The following SELENOO variants were observed in gnomAD, a reference collection of about 807,000 sequenced individuals.
The protein encoded by SELENOO is protein adenylyltransferase SelO, mitochondrial.
In SELENOO, 74 loss-of-function variants were observed where a neutral mutation model predicts 58.7. The ratio of observed to expected loss-of-function variants is 1.26; its 90% CI spans 1.04 to 1.53. The LOEUF is 1.53. Among genes scored for constraint, SELENOO ranks in the 40% most tolerant of loss-of-function variants. The pLI is 0.00. For synonymous variants in SELENOO, 543 were observed against 453.2 expected (o/e 1.20, Z -2.52); for missense variants, 1,149 against 970.0 (o/e 1.18, Z -2.45).
In SELENOO at chr22:50,201,330, G is replaced by T. The variant is rs1049828768; in HGVS notation, c.294G>T (p.Leu98=). ...TGCGGCAGCCGCGCCTCGTGGCGCTGTCAGAGCCCGCGCTGGCGTTGCTGG... is the reference window on the plus strand; with the variant it reads ...TGCGGCAGCCGCGCCTCGTGGCGCTTTCAGAGCCCGCGCTGGCGTTGCTGG... ...TPLRQPRLVA[L]SEPALALLGL... Residue 98 remains leucine, a synonymous_variant, in exon 1 of 9, where the codon CTG becomes CTT. Transcript: ENST00000380903. The T allele has an allele frequency of 6.7e-5, 78 of 1,158,206 alleles. 1 individual carries two copies. In the African/African-American group the frequency reaches 1.2e-3, roughly 17 times the overall value. 71.7% of individuals were successfully genotyped at this position (1,158,206 alleles called of 1,614,324 possible).
chr22:50,214,018 T>C (rs2064389308), intron 5 of SELENOO, among the ~76,000 whole-genome samples: 1 of 152,252 alleles, frequency 6.6e-6, no homozygotes, highest in Admixed American at 6.5e-5. Flanking sequence ...AACTGTTTGT[T>C]GTCTGTCCCT....
At chr22:50,206,599 T>G in intron 2 of SELENOO, 79 bp downstream of exon 2, 1 of 1,338,844 alleles carries the variant, frequency 7.5e-7, no homozygotes, top group Non-Finnish European at 1.0e-6. Flanking sequence ...CTGCTAGGAT[T>G]CTGGTAGAAA....
At chr22:50,212,502 A>G (rs893879307) in intron 5 of SELENOO, among the ~76,000 whole-genome samples, 10 of 152,186 alleles carry the variant, frequency 6.6e-5, no homozygotes, top group Non-Finnish European at 1.5e-4. Flanking sequence ...TAAATTGTGG[A>G]GGGCACCGCA....
intron 3 of SELENOO, among the ~76,000 whole-genome samples, chr22:50,209,728 CCT>C (rs1053295630): frequency 1.3e-5 from 2 of 152,152 alleles, no homozygotes; most frequent in Non-Finnish European, 2.9e-5. Context: ...TCCTGGCCCC[CCT>C]GTTGATTGGC....
rs1281087866 is a variant in SELENOO, at chr22:50,217,186, C to T, written c.1846-19C>T. ...AGGGGGGTCGGCCCCAGACCCCTCTCACCCTCCTGATCCTCCAGGTGCGGC... is the reference window on the plus strand; with the variant it reads ...AGGGGGGTCGGCCCCAGACCCCTCTTACCCTCCTGATCCTCCAGGTGCGGC... On this transcript the variant is annotated intron_variant, in intron 8 of 8. Transcript: ENST00000380903. 1.5e-5 allele frequency: 24 copies of T among 1,611,724 alleles called. No homozygotes were observed. Among genetic ancestry groups the T allele is most frequent in the Non-Finnish European group, 1.8e-5 (21 of 1,178,952 alleles).
chr22:50,211,021 A>G (rs1278297414), intron 5 of SELENOO, 110 bp downstream of exon 5: 5 of 1,184,852 alleles, frequency 4.2e-6, no homozygotes, highest in Non-Finnish European at 6.1e-6. Context: ...CCCTGGGCCC[A>G]CCCCAGCCCT....
rs182343661 is a variant in SELENOO, at chr22:50,210,622, G to C, written c.1071-9G>C. The C allele has an allele frequency of 7.6e-5, 123 of 1,612,806 alleles. 1 individual carries two copies. The South Asian group carries it at 1.3e-3, about 16-fold the overall frequency. On this transcript the variant is annotated splice_polypyrimidine_tract_variant and intron_variant, in intron 4 of 8. Transcript: ENST00000380903. Reference sequence around the variant, plus strand: ...AGGCAGGGCGTGGCTCTCTTGCCCCGTGTGGCAGGTACGACCCCGACCACG... The same window carrying C: ...AGGCAGGGCGTGGCTCTCTTGCCCCCTGTGGCAGGTACGACCCCGACCACG...
intron 1 of SELENOO, among the ~76,000 whole-genome samples, chr22:50,204,543 C>T (rs1220516005): frequency 2.0e-5 from 3 of 152,042 alleles, no homozygotes; most frequent in African/African-American, 4.8e-5. Context: ...AGGAGAATCA[C>T]TTGAACCCAG....
In SELENOO at chr22:50,206,381, T is replaced by C. The variant is rs367634749; in HGVS notation, c.619T>C (p.Phe207Leu). The C allele has an allele frequency of 3.7e-6, 6 of 1,614,026 alleles. No individual in the cohort carries two copies. In the African/African-American group the frequency reaches 8.0e-5, roughly 22 times the overall value. Residue 207 changes from phenylalanine (F) to leucine (L), a missense_variant, in exon 2 of 9, where the codon TTC becomes CTC. By Grantham distance (22) the Phe-to-Leu change is conservative. Transcript: ENST00000380903. ...GGAGTTTCTATGCAGCGAAGCCATG[T>C]TCCACCTGGGAGTCCCCACCACACG... ...IREFLCSEAM[F>L]HLGVPTTRAG...
At chr22:50,202,389 C>G (rs1479323132) in intron 1 of SELENOO, among the ~76,000 whole-genome samples, 2 of 151,974 alleles carry the variant, frequency 1.3e-5, no homozygotes, top group African/African-American at 4.8e-5. Flanking sequence ...CTTCCTCACT[C>G]CCCCGTCTCC....
intron 5 of SELENOO, among the ~76,000 whole-genome samples, chr22:50,213,899 C>T (rs1289316118): frequency 2.0e-5 from 3 of 152,164 alleles, no homozygotes; most frequent in Admixed American, 1.3e-4. Flanking sequence ...CCACCTGCCT[C>T]GGCCTCCCAA....
rs1279270437 is a variant in SELENOO at position 50,201,543 on chromosome 22, G to T, written c.507G>T (p.Glu169Asp). 1 of 1,389,462 alleles carries T rather than the reference G, an allele frequency of 7.2e-7. No individual in the cohort carries two copies. Among genetic ancestry groups the T allele is most frequent in the Non-Finnish European group, 9.4e-7 (1 of 1,067,176 alleles). The allele number at this position is 1,389,462 out of a possible 1,614,324, so 86.1% of individuals were successfully genotyped here. A position where few individuals can be genotyped will look rare whatever the true frequency, so the allele number is the denominator to read the frequency against. ...GCGAGGTGTGCACGGCGACCGGCGAGCGCTGGGAGCTGCAGCTCAAGGGCG... is the reference window on the plus strand; with the variant it reads ...GCGAGGTGTGCACGGCGACCGGCGATCGCTGGGAGCTGCAGCTCAAGGGCG... The part of the protein sequence containing the change: ...YLGEVCTATG[E>D]RWELQLKGAG... The change falls in exon 1 of 9, where the codon GAG becomes GAT. Residue 169 changes from glutamate to aspartate, a missense_variant. Transcript: ENST00000380903.
chr22:50,216,270 G>C (rs1252463896), intron 6 of SELENOO, among the ~76,000 whole-genome samples: 2 of 152,230 alleles, frequency 1.3e-5, no homozygotes, highest in African/African-American at 4.8e-5. Context: ...TAAAAAACAA[G>C]ACCAGTGGGG....
chr22:50,203,991 C>G (rs965690323), intron 1 of SELENOO, among the ~76,000 whole-genome samples: 1 of 151,970 alleles, frequency 6.6e-6, no homozygotes, highest in African/African-American at 2.4e-5. Flanking sequence ...CAAAACTCAG[C>G]AACAGGAAAA....
chr22:50,208,310 A>C (rs539247233), intron 2 of SELENOO, among the ~76,000 whole-genome samples: 2 of 152,182 alleles, frequency 1.3e-5, no homozygotes, highest in East Asian at 3.9e-4. Flanking sequence ...TGTGCCTGTA[A>C]TCCCAGCTAC....
Position 50,216,813 on chromosome 22 carries a change from T to C in SELENOO, c.1625T>C (p.Leu542Pro). ...RVEQQSRLEQ[L>P]SAAELQSRNQ... ...GAGCAGCAGTCTCGGCTGGAGCAGC[T>C]GAGTGCGGCAGAGCTGCAGAGCAGG... The change falls in exon 7 of 9, where the codon CTG (leucine) becomes CCG (proline). Residue 542 changes from leucine to proline, a missense_variant. Physicochemically the swap from Leu to Pro is moderately conservative, Grantham distance 98. Transcript: ENST00000380903. 1 of 1,608,718 alleles carries C rather than the reference T, an allele frequency of 6.2e-7. No homozygotes were observed. The highest frequency in any genetic ancestry group is 8.5e-7 in the Non-Finnish European group (1 of 1,179,820).
intron 5 of SELENOO, among the ~76,000 whole-genome samples, chr22:50,214,736 G>T (rs1201383149): frequency 6.6e-6 from 1 of 152,236 alleles, no homozygotes; most frequent in Non-Finnish European, 1.5e-5. Context: ...CTGCACTCCA[G>T]CCCCGGCAAC....
Position 50,215,643 on chromosome 22 carries a change from G to T in SELENOO, c.1352-74G>T, listed in dbSNP as rs1480533592. 8.2e-6 allele frequency: 10 copies of T among 1,216,528 alleles called. 1 individual carries two copies. Among genetic ancestry groups the T allele is most frequent in the East Asian group, 2.7e-5 (1 of 36,768 alleles). 75.4% of individuals were successfully genotyped at this position (1,216,528 alleles called of 1,614,324 possible). On this transcript the variant is annotated intron_variant, in intron 5 of 8. Transcript: ENST00000380903. ...CACCTGTGCCAGGGGGGTGGGGGGG[G>T]GGGGGTCTGTGTGGCACCAGGACAG...
chr22:50,206,663 G>A, intron 2 of SELENOO, 143 bp downstream of exon 2: 1 of 730,324 alleles, frequency 1.4e-6, no homozygotes, highest in South Asian at 1.9e-5. Context: ...GTCCCTGGCA[G>A]CCTCAGAAGC....
Sources: gnomAD v4.1 joint callset for allele counts (sites outside exome capture counted in the v4.1 genomes callset) on GRCh38, gnomAD v4.1.1 for gene constraint, MANE v1.5 for transcripts, NCBI Gene and HGNC (gene_info 2026-07-23, HGNC 2026-07-21) for gene names.